The following MARK3 variants were observed in gnomAD, a reference collection of about 807,000 sequenced individuals.
MARK3 encodes the protein MAP/microtubule affinity-regulating kinase 3.
Under a neutral mutation model 90.1 loss-of-function variants are expected in MARK3, and 46 were observed. The ratio of observed to expected loss-of-function variants is 0.51; its 90% CI spans 0.40 to 0.65. The LOEUF is 0.65. Among genes scored for constraint, MARK3 ranks in the 30% least tolerant of loss-of-function variants. The pLI, the probability that MARK3 is intolerant of heterozygous loss-of-function variation, is 0.00. For missense variants in MARK3, 818 were observed against 947.2 expected (o/e 0.86, Z 1.79); for synonymous variants, 321 against 332.6 (o/e 0.97, Z 0.38).
chr14:103,419,762 A>G (rs1256863035), intron 2 of MARK3, among the ~76,000 whole-genome samples: 1 of 152,208 alleles, frequency 6.6e-6, no homozygotes, highest in African/African-American at 2.4e-5. Context: ...ATTCAAAACA[A>G]CTGTAGTGAC....
chr14:103,458,671 G>A (rs2093332963), intron 6 of MARK3: 1 of 645,716 alleles, frequency 1.5e-6, no homozygotes, highest in Admixed American at 2.5e-5. Context: ...CATTGAAATG[G>A]AATTATAGCC....
At chr14:103,413,381 T>C (rs2140863301) in intron 2 of MARK3, among the ~76,000 whole-genome samples, 1 of 151,748 alleles carries the variant, frequency 6.6e-6, no homozygotes, top group Non-Finnish European at 1.5e-5. Context: ...TTTTGATCTC[T>C]CATTTGGAAT....
At chr14:103,395,741 A>G (rs564342007) in intron 1 of MARK3, among the ~76,000 whole-genome samples, 1 of 152,318 alleles carries the variant, frequency 6.6e-6, no homozygotes, top group South Asian at 2.1e-4. Context: ...TGCATATAGA[A>G]TTCTAGACTG....
In MARK3 at chr14:103,386,036, A is replaced by T; in HGVS notation, c.7A>T (p.Thr3Ser). ...AGAATTAAAGTGCAGTAAAATGTCC[A>T]CTAGGACCCCATTGCCAACGGTGAA... MS[T>S]RTPLPTVNER... The change falls in exon 1 of 18, where the codon ACT becomes TCT. Residue 3 changes from threonine (T) to serine (S), a missense_variant. By Grantham distance (58) the Thr-to-Ser change is moderately conservative (BLOSUM62 1). Transcript: ENST00000429436. The T allele has an allele frequency of 6.2e-7, 1 of 1,614,016 alleles. No homozygotes were observed. The highest frequency in any genetic ancestry group is 8.5e-7 in the Non-Finnish European group (1 of 1,179,836).
In MARK3 at chr14:103,502,905, A is replaced by G; in HGVS notation, c.1940A>G (p.Lys647Arg). 1 of 1,611,932 alleles carries G rather than the reference A, an allele frequency of 6.2e-7. No individual in the cohort carries two copies. Among genetic ancestry groups the G allele is most frequent in the Non-Finnish European group, 8.5e-7 (1 of 1,178,164 alleles). The change falls in exon 18 of 18, where the codon AAA becomes AGA. Residue 647 changes from lysine (K) to arginine (R), a missense_variant. Physicochemically the swap from Lys to Arg is conservative, Grantham distance 26. Transcript: ENST00000429436. The part of the protein sequence containing the change: ...GSSRNVSAEQ[K>R]DENKEAKPRS... ...AGTCGCAATGTATCTGCTGAGCAAA[A>G]AGATGAAAACAAAGAAGCAAAGCCT...
At position 103,502,994 on chromosome 14, in the gene MARK3, C is replaced by T. The variant is rs759344240; in HGVS notation, c.2029C>T (p.Arg677Trp). The T allele has an allele frequency of 8.7e-6, 14 of 1,614,212 alleles. 1 individual carries two copies. In the South Asian group the frequency reaches 8.8e-5, roughly 10 times the overall value. Reference sequence around the variant, plus strand: ...TTCAATGGATCCCGGGGACATGATGCGGGAAATCCGCAAAGTGTTGGACGC... The same window carrying T: ...TTCAATGGATCCCGGGGACATGATGTGGGAAATCCGCAAAGTGTTGGACGC... ...TSSMDPGDMMREIRKVLDANN... is the reference protein window; with the variant it reads ...TSSMDPGDMMWEIRKVLDANN... The change falls in exon 18 of 18, where the codon CGG becomes TGG. Residue 677 changes from arginine to tryptophan, a missense_variant. By Grantham distance (101) the Arg-to-Trp change is moderately radical. This residue lies in a region of MARK3 where 560 missense variants were observed against 613.5 expected (regional missense o/e 0.91). Transcript: ENST00000429436.
chr14:103,399,448 A>G (rs7140564), intron 1 of MARK3, among the ~76,000 whole-genome samples: 96,354 of 151,902 alleles, frequency 0.63, 31,041 homozygotes, highest in East Asian at 0.86. Context: ...GGTGGCTCAC[A>G]CCTGTAATCC....
intron 15 of MARK3, among the ~76,000 whole-genome samples, chr14:103,496,801 A>G (rs1402433060): frequency 1.3e-5 from 2 of 152,076 alleles, no homozygotes; most frequent in Non-Finnish European, 2.9e-5. Flanking sequence ...ACTTTGGGGG[A>G]AGGTGAGGCA....
Position 103,386,052 on chromosome 14 carries a change from C to T in MARK3, c.23C>T (p.Pro8Leu). MSTRTPL[P>L]TVNERDTENH... is the part of the protein sequence containing the mutation. ...AAAATGTCCACTAGGACCCCATTGCCAACGGTGAATGAACGAGACACTGAA... is the reference window on the plus strand; with the variant it reads ...AAAATGTCCACTAGGACCCCATTGCTAACGGTGAATGAACGAGACACTGAA... The change falls in exon 1 of 18, where the codon CCA (proline) becomes CTA (leucine). Residue 8 changes from proline (P) to leucine (L), a missense_variant. Transcript: ENST00000429436. 6.2e-7 allele frequency: 1 copy of T among 1,614,188 alleles called. No individual in the cohort carries two copies. Among genetic ancestry groups the T allele is most frequent in the African/African-American group, 1.3e-5 (1 of 75,074 alleles).
In MARK3 at chr14:103,474,698, A is replaced by T. The variant is rs1291793499; in HGVS notation, c.1265-295A>T. Among the ~76,000 whole-genome samples, 4 of 152,294 alleles carry T rather than the reference A, an allele frequency of 2.6e-5. No individual in the cohort carries two copies. In the East Asian group the frequency reaches 5.8e-4, roughly 22 times the overall value. On this transcript the variant is annotated intron_variant, in intron 12 of 17. Coordinates refer to ENST00000429436, the MANE Select transcript of MARK3 (RefSeq NM_001128918.3). ...CTGCTTGTTACGTATGCATCTAATT[A>T]GTTTGAATCTATGCAGTACCACCAC...
rs2140853842 is a variant in MARK3, at chr14:103,412,851, G to A, written c.243+7584G>A. On this transcript the variant is annotated intron_variant, in intron 2 of 17. Coordinates refer to ENST00000429436, the MANE Select transcript of MARK3 (RefSeq NM_001128918.3). The stretch of plus-strand genomic sequence containing the variant: ...GGGAGGAAATTGATATTTTAATGAT[G>A]CCAAGTCTTTCTTTCTTTTTTTTCT... The A allele has an allele frequency of 9.3e-6, 3 of 321,512 alleles. No individual in the cohort carries two copies. In the Admixed American group the frequency reaches 1.3e-4, roughly 14 times the overall value. 19.9% of individuals were successfully genotyped at this position (321,512 alleles called of 1,614,324 possible). A position where few individuals can be genotyped will look rare whatever the true frequency, so the allele number is the denominator to read the frequency against.
chr14:103,403,170 A>G (rs1331775765), intron 1 of MARK3, among the ~76,000 whole-genome samples: 1 of 152,170 alleles, frequency 6.6e-6, no homozygotes, highest in Non-Finnish European at 1.5e-5. Context: ...ACATGTTTAC[A>G]TTGCAAAAAG....
At chr14:103,406,616 T>A (rs2091313829) in intron 2 of MARK3, among the ~76,000 whole-genome samples, 1 of 150,602 alleles carries the variant, frequency 6.6e-6, no homozygotes, top group African/African-American at 2.5e-5. Context: ...TTTTGTTTTT[T>A]TTCTGAGGCA....
chr14:103,386,412 G>T, intron 1 of MARK3: 1 of 624,166 alleles, frequency 1.6e-6, no homozygotes, highest in Non-Finnish European at 3.0e-6. Context: ...CACTGCAGTG[G>T]TCAGTGCTTA....
chr14:103,412,226 A>C lies in MARK3; in HGVS notation c.243+6959A>C, dbSNP rs1020867962. ...CACCAAGAAGTTAACAGCCAGGTGA[A>C]TGTTATGCACAAGCTCATCGTCTGT... On this transcript the variant is annotated intron_variant, in intron 2 of 17. Transcript: ENST00000429436. 7.2e-6 allele frequency: 6 copies of C among 834,458 alleles called. No homozygotes were observed. In the Admixed American group the frequency reaches 8.0e-5, roughly 11 times the overall value. The allele number at this position is 834,458 out of a possible 1,614,324, so 51.7% of individuals were successfully genotyped here. A position where few individuals can be genotyped will look rare whatever the true frequency, so the allele number is the denominator to read the frequency against.
At chr14:103,415,150 CAA>C (rs34245934) in intron 2 of MARK3, among the ~76,000 whole-genome samples, 2 of 37,702 alleles carry the variant, frequency 5.3e-5, no homozygotes, top group South Asian at 3.9e-3. Context: ...GACCTTGTCT[CAA>C]AAAAAAAAAA....
At chr14:103,404,512 A>G (rs2091160680) in intron 1 of MARK3, among the ~76,000 whole-genome samples, 1 of 152,076 alleles carries the variant, frequency 6.6e-6, no homozygotes, top group Non-Finnish European at 1.5e-5. Flanking sequence ...TTAAGTAAGC[A>G]TATTGAGTAC....
chr14:103,468,660 A>G (rs971389596), intron 12 of MARK3, among the ~76,000 whole-genome samples: 15 of 151,990 alleles, frequency 9.9e-5, no homozygotes, highest in Admixed American at 9.2e-4. Flanking sequence ...AGGTGCTGCC[A>G]TGATTACATA....
chr14:103,482,288 A>G (rs2093839625), intron 14 of MARK3, among the ~76,000 whole-genome samples: 2 of 151,808 alleles, frequency 1.3e-5, no homozygotes, highest in African/African-American at 4.8e-5. Flanking sequence ...TGGGAGGCCA[A>G]GGCAGGTGGA....
Sources: gnomAD v4.1 joint callset for allele counts (sites outside exome capture counted in the v4.1 genomes callset) on GRCh38, gnomAD v4.1.1 for gene constraint, gnomAD v4.1.1 regional missense constraint, MANE v1.5 for transcripts, NCBI Gene and HGNC (gene_info 2026-07-23, HGNC 2026-07-21) for gene names.